Variants in C12orf42 observed in about 807,000 individuals in gnomAD.
C12orf42 encodes chromosome 12 open reading frame 42.
A neutral mutation model predicts 21.6 loss-of-function variants in C12orf42; 25 were observed. The ratio of observed to expected loss-of-function variants is 1.16; its 90% confidence interval spans 0.84 to 1.62. The LOEUF is 1.62. Among genes scored for constraint, C12orf42 ranks in the 40% most tolerant of loss-of-function variants. The pLI is 0.00. For synonymous variants in C12orf42, 174 were observed against 175.0 expected (o/e 0.99, Z 0.05); for missense variants, 483 against 459.3 (o/e 1.05, Z -0.47).
At chr12:103,052,322 T>C in the C12orf42 span, among the ~76,000 whole-genome samples, 1 of 152,170 alleles carries the variant, frequency 6.6e-6, no homozygotes, top group African/African-American at 2.4e-5. Context: ...TTTATGATAG[T>C]ACAGGTGACT....
chr12:103,366,960 A>G lies in C12orf42; in HGVS notation c.259+1927T>C, dbSNP rs533655771. Among the ~76,000 whole-genome samples the G allele has an allele frequency of 2.6e-5, 4 of 152,238 alleles. No individual in the cohort carries two copies. In the South Asian group the frequency reaches 8.3e-4, roughly 32 times the overall value. The stretch of plus-strand genomic sequence containing the variant: ...CAATCTCACTACTGGGTATCTACCC[A>G]TAGGAAAACAAGTCATTATATGAAA... On this transcript the variant is annotated intron_variant, in intron 4 of 5. Coordinates refer to ENST00000548883, the MANE Select transcript of C12orf42 (RefSeq NM_198521.5).
intron 2 of C12orf42, among the ~76,000 whole-genome samples, chr12:103,430,017 T>A (rs556412551): frequency 6.6e-6 from 1 of 152,042 alleles, no homozygotes; most frequent in South Asian, 2.1e-4. Context: ...CCATGAAAAC[T>A]CTAGAAAAAT....
At chr12:103,389,344 C>G (rs569460826) in intron 3 of C12orf42, among the ~76,000 whole-genome samples, 4 of 152,114 alleles carry the variant, frequency 2.6e-5, no homozygotes, top group Non-Finnish European at 5.9e-5. Context: ...AGAGTCAGAT[C>G]CACAATGACT....
chr12:103,259,328 G>A (rs2034773192), intron 10 of C12orf42, among the ~76,000 whole-genome samples: 1 of 152,178 alleles, frequency 6.6e-6, no homozygotes, highest in Non-Finnish European at 1.5e-5. Flanking sequence ...GCCCAGGCTG[G>A]AATGCAATGA....
chr12:103,168,079 T>A, the C12orf42 span: 2 of 455,850 alleles, frequency 4.4e-6, no homozygotes, highest in African/African-American at 4.0e-5. Flanking sequence ...TACATTATTG[T>A]GGATACTTTT....
chr12:103,292,462 G>A (rs2036885224), intron 4 of C12orf42, among the ~76,000 whole-genome samples: 1 of 151,786 alleles, frequency 6.6e-6, no homozygotes, highest in Non-Finnish European at 1.5e-5. Flanking sequence ...AAATCTTTGT[G>A]GCTTAAAAAC....
the C12orf42 span, among the ~76,000 whole-genome samples, chr12:103,137,020 CA>C: frequency 1.3e-5 from 2 of 152,018 alleles, no homozygotes; most frequent in Non-Finnish European, 2.9e-5. Context: ...CAAAAATAGA[CA>C]AATAGAGCTA....
intron 2 of C12orf42, among the ~76,000 whole-genome samples, chr12:103,457,525 G>A (rs917293560): frequency 1.3e-5 from 2 of 152,088 alleles, no homozygotes; most frequent in Non-Finnish European, 2.9e-5. Context: ...GGTCCATCTC[G>A]CAGACCAATG....
chr12:103,431,472 A>G (rs1950260971), intron 2 of C12orf42, among the ~76,000 whole-genome samples: 1 of 152,208 alleles, frequency 6.6e-6, no homozygotes, highest in Non-Finnish European at 1.5e-5. Context: ...CTCTGGGTTC[A>G]AATCCTGCAT....
the C12orf42 span, among the ~76,000 whole-genome samples, chr12:103,052,912 C>T: frequency 2.6e-5 from 4 of 151,944 alleles, no homozygotes; most frequent in Non-Finnish European, 5.9e-5. Flanking sequence ...GACAATTCTT[C>T]CCTAACTTTA....
At chr12:103,439,809 G>A (rs1461911717) in intron 2 of C12orf42, among the ~76,000 whole-genome samples, 1 of 150,408 alleles carries the variant, frequency 6.6e-6, no homozygotes, top group Non-Finnish European at 1.5e-5. Flanking sequence ...CACTGTTGGT[G>A]GGACTGTAAA....
the C12orf42 span, among the ~76,000 whole-genome samples, chr12:103,509,844 A>T: frequency 6.6e-6 from 1 of 152,342 alleles, no homozygotes; most frequent in Non-Finnish European, 1.5e-5. Context: ...AATCAAAAAA[A>T]TCAAAAAATA....
the C12orf42 span, among the ~76,000 whole-genome samples, chr12:103,225,782 A>C: frequency 6.6e-6 from 1 of 152,158 alleles, no homozygotes; most frequent in Non-Finnish European, 1.5e-5. Context: ...ACAGTTATGG[A>C]GGCAAGGGAA....
rs1593333876 is a variant in C12orf42, at chr12:103,302,023, A to T, written c.*85T>A. 1.4e-6 allele frequency: 2 copies of T among 1,380,648 alleles called. No homozygotes were observed. The highest frequency in any genetic ancestry group is 9.9e-7 in the Non-Finnish European group (1 of 1,007,562). 85.5% of individuals were successfully genotyped at this position (1,380,648 alleles called of 1,614,324 possible). A position where few individuals can be genotyped will look rare whatever the true frequency, so the allele number is the denominator to read the frequency against. ...GCCTAACAATGGTTCTGTGGAAACC[A>T]GTACATCTGAGGCCCTTTCTGTTGT... On this transcript the variant is annotated 3_prime_UTR_variant, in exon 6 of 6. Transcript: ENST00000548883.
At chr12:103,540,622 T>C in the C12orf42 span, among the ~76,000 whole-genome samples, 3 of 152,226 alleles carry the variant, frequency 2.0e-5, no homozygotes, top group African/African-American at 7.2e-5. Context: ...AGCTTTCCTG[T>C]GGCCTGCTAT....
intron 4 of C12orf42, among the ~76,000 whole-genome samples, chr12:103,341,505 G>A (rs1232485726): frequency 6.6e-6 from 1 of 152,076 alleles, no homozygotes; most frequent in African/African-American, 2.4e-5. Flanking sequence ...CAGATAATGA[G>A]CCAACAAAGA....
At chr12:103,067,045 C>T in the C12orf42 span, among the ~76,000 whole-genome samples, 1 of 152,156 alleles carries the variant, frequency 6.6e-6, no homozygotes, top group Non-Finnish European at 1.5e-5. Flanking sequence ...CTGCTGAGTG[C>T]CCAATTGCCA....
chr12:103,361,332 G>A (rs932609842), intron 4 of C12orf42, among the ~76,000 whole-genome samples: 4 of 152,062 alleles, frequency 2.6e-5, no homozygotes, highest in South Asian at 2.1e-4. Context: ...TTAGAGAGCC[G>A]AGTGAAATAC....
At chr12:103,520,177 A>T in the C12orf42 span, among the ~76,000 whole-genome samples, 2 of 152,082 alleles carry the variant, frequency 1.3e-5, no homozygotes, top group Non-Finnish European at 2.9e-5. Context: ...TACCCCTTAT[A>T]AGGGAACAAA....
Sources: allele counts gnomAD v4.1 joint callset (sites outside exome capture counted in the v4.1 genomes callset), GRCh38; gene constraint gnomAD v4.1.1; transcripts MANE v1.5; gene names NCBI Gene and HGNC (gene_info 2026-07-23, HGNC 2026-07-21).